Variants in CHST11 observed in about 807,000 individuals in gnomAD.
The protein encoded by CHST11 is C4S-1.
A neutral mutation model predicts 30.4 loss-of-function variants in CHST11; 9 were observed. The ratio of observed to expected loss-of-function variants is 0.30; its 90% CI spans 0.18 to 0.52. The LOEUF (loss-of-function observed/expected upper bound fraction) is 0.52, where lower values mean the gene tolerates loss of function less well. CHST11 is among the 20% of genes least tolerant of loss of function. CHST11 has a pLI of 0.97. For missense variants in CHST11, 348 were observed against 460.6 expected (o/e 0.76, Z 2.24); for synonymous variants, 152 against 187.8 (o/e 0.81, Z 1.56).
chr12:104,531,116 AT>A (rs1168746378), intron 1 of CHST11, among the ~76,000 whole-genome samples: 2 of 151,854 alleles, frequency 1.3e-5, no homozygotes, highest in African/African-American at 4.8e-5. Flanking sequence ...AGAAAGTGAC[AT>A]TTTTTTTCTC....
intron 2 of CHST11, among the ~76,000 whole-genome samples, chr12:104,693,861 C>T (rs376185418): frequency 3.9e-5 from 6 of 152,118 alleles, no homozygotes; most frequent in African/African-American, 7.2e-5. Flanking sequence ...TCTCTGGGAC[C>T]GCTTATATAA....
intron 1 of CHST11, among the ~76,000 whole-genome samples, chr12:104,484,027 A>G (rs760259147): frequency 1.3e-5 from 2 of 152,214 alleles, no homozygotes; most frequent in Non-Finnish European, 2.9e-5. Context: ...TGCTGTTTCT[A>G]CTGCTACATA....
intron 1 of CHST11, among the ~76,000 whole-genome samples, chr12:104,471,355 C>A (rs1374217587): frequency 6.6e-6 from 1 of 152,100 alleles, no homozygotes; most frequent in Non-Finnish European, 1.5e-5. Flanking sequence ...GAAGAAAATC[C>A]CCCTTTTTGG....
intron 2 of CHST11, among the ~76,000 whole-genome samples, chr12:104,665,478 C>T (rs1006727185): frequency 6.6e-6 from 1 of 152,170 alleles, no homozygotes; most frequent in South Asian, 2.1e-4. Context: ...TGGGGTCACG[C>T]TGCCTAGGTG....
chr12:104,710,203 C>CG (rs1555246459), intron 2 of CHST11, among the ~76,000 whole-genome samples: 1 of 151,806 alleles, frequency 6.6e-6, no homozygotes, highest in Non-Finnish European at 1.5e-5. Flanking sequence ...CTGTCTCAAA[C>CG]AAAAAAAGAA....
intron 1 of CHST11, among the ~76,000 whole-genome samples, 180 bp downstream of exon 1, chr12:104,457,709 AG>A (rs545342166): frequency 6.6e-6 from 1 of 150,816 alleles, no homozygotes; most frequent in East Asian, 2.0e-4. Context: ...CGGGATGGGG[AG>A]GAGAAGGGAA....
At chr12:104,553,568 CGAGAGAGAGA>C (rs3039120) in intron 1 of CHST11, 46,345 of 140,112 alleles carry the variant, frequency 0.33, 7,318 homozygotes, top group Middle Eastern at 0.46. Context: ...ATGGTGTCAG[CGAGAGAGAGA>C]GAGAGAGAGA....
chr12:104,669,216 C>T (rs1273288668), intron 2 of CHST11, among the ~76,000 whole-genome samples: 1 of 152,210 alleles, frequency 6.6e-6, no homozygotes, highest in Admixed American at 6.5e-5. Context: ...ACACTCCCCT[C>T]CCCTTCTCCT....
chr12:104,637,302 TAAAAAAAAAAAAAAAAAAA>T (rs10622882), intron 2 of CHST11, among the ~76,000 whole-genome samples: 3 of 62,592 alleles, frequency 4.8e-5, no homozygotes, highest in South Asian at 6.0e-4. Flanking sequence ...TGAGACCCTG[TAAAAAAAAAAAAAAAAAAA>T]AAAAAAAAAA....
intron 2 of CHST11, among the ~76,000 whole-genome samples, chr12:104,750,339 A>G (rs2040418995): frequency 6.6e-6 from 1 of 151,214 alleles, no homozygotes; most frequent in Admixed American, 6.6e-5. Context: ...AGTTCCAGTA[A>G]AACATCACCC....
chr12:104,676,045 A>G lies in CHST11; in HGVS notation c.204+74054A>G, dbSNP rs55772646. ...TCAACTCCTATAATTCTGTCTGCAT[A>G]GGAAAGACCTGTTCAATGATCATCT... On this transcript the variant is annotated intron_variant, in intron 2 of 2. Coordinates refer to ENST00000303694, the MANE Select transcript of CHST11 (RefSeq NM_018413.6). The surrounding 1 kb of genome is among the most constrained non-coding windows in gnomAD (Gnocchi z 4.4). 8.2e-3 allele frequency among the ~76,000 whole-genome samples: 1,244 copies of G among 152,334 alleles called. 15 individuals are homozygous for G. Among genetic ancestry groups the G allele is most frequent in the African/African-American group, 0.028 (1,175 of 41,582 alleles).
chr12:104,464,882 C>T (rs774997669), intron 1 of CHST11, among the ~76,000 whole-genome samples: 5 of 152,108 alleles, frequency 3.3e-5, no homozygotes, highest in South Asian at 2.1e-4. Flanking sequence ...GTGGAAGACC[C>T]GAGTCCTAGT....
chr12:104,484,852 C>G (rs992546909), intron 1 of CHST11, among the ~76,000 whole-genome samples: 1 of 152,200 alleles, frequency 6.6e-6, no homozygotes, highest in South Asian at 2.1e-4. Context: ...GCAAGCCATG[C>G]TGAAGCTAAG....
At position 104,630,307 on chromosome 12, in the gene CHST11, C is replaced by G. The variant is rs556109146; in HGVS notation, c.204+28316C>G. 2.2e-4 allele frequency among the ~76,000 whole-genome samples: 34 copies of G among 152,266 alleles called. No individual in the cohort carries two copies. In the South Asian group the frequency reaches 6.8e-3, roughly 31 times the overall value. On this transcript the variant is annotated intron_variant, in intron 2 of 2. Transcript: ENST00000303694. ...TGGCTTTGGGGAAGTTGCTTAACTT[C>G]TGTGTGCCGCTGTCTGTAGAGTAAT...
chr12:104,691,808 G>A (rs2039899200), intron 2 of CHST11, among the ~76,000 whole-genome samples: 1 of 152,162 alleles, frequency 6.6e-6, no homozygotes, highest in Admixed American at 6.5e-5. Flanking sequence ...ATTTAACACA[G>A]GTATTGTCAC....
intron 2 of CHST11, among the ~76,000 whole-genome samples, chr12:104,616,697 C>T (rs1282516405): frequency 2.0e-5 from 3 of 152,170 alleles, no homozygotes; most frequent in East Asian, 1.9e-4. Flanking sequence ...ATCTCCTGAC[C>T]TCATGATCCA....
intron 2 of CHST11, among the ~76,000 whole-genome samples, chr12:104,653,485 G>T (rs554271977): frequency 1.3e-5 from 2 of 152,226 alleles, no homozygotes; most frequent in South Asian, 2.1e-4. Flanking sequence ...CATTATCTTA[G>T]TGCTAAAATG....
intron 2 of CHST11, among the ~76,000 whole-genome samples, chr12:104,731,681 T>C (rs1334137058): frequency 6.6e-6 from 1 of 152,264 alleles, no homozygotes; most frequent in Non-Finnish European, 1.5e-5. Context: ...GAGCTGAGCA[T>C]GTCCACCTCT....
At chr12:104,493,445 G>T (rs1158854809) in intron 1 of CHST11, among the ~76,000 whole-genome samples, 1 of 152,192 alleles carries the variant, frequency 6.6e-6, no homozygotes, top group Non-Finnish European at 1.5e-5. Context: ...GAGCACCTAT[G>T]AGGTGCCAGG....
Sources: allele counts gnomAD v4.1 joint callset (sites outside exome capture counted in the v4.1 genomes callset), GRCh38; gene constraint gnomAD v4.1.1; non-coding constraint Gnocchi (gnomAD v3.1); transcripts MANE v1.5; gene names NCBI Gene and HGNC (gene_info 2026-07-23, HGNC 2026-07-21).